The following PPP4R3A variants were observed in gnomAD, a reference collection of about 807,000 sequenced individuals.
The protein encoded by PPP4R3A is protein phosphatase 4 regulatory subunit 3A, also known as serine/threonine-protein phosphatase 4 regulatory subunit 3A.
Under a neutral mutation model 91.7 loss-of-function variants are expected in PPP4R3A, and 15 were observed. The ratio of observed to expected loss-of-function variants is 0.16; its 90% confidence interval spans 0.11 to 0.25. PPP4R3A has a LOEUF of 0.25. Ranked by LOEUF, PPP4R3A falls within the 10% of genes least tolerant of loss-of-function variation. PPP4R3A has a pLI of 1.00. For synonymous variants in PPP4R3A, 377 were observed against 348.7 expected (o/e 1.08, Z -0.91); for missense variants, 623 against 998.4 (o/e 0.62, Z 5.07).
At position 91,475,829 on chromosome 14, in the gene PPP4R3A, C is replaced by G; in HGVS notation, c.1248G>C (p.Glu416Asp). 6.2e-7 allele frequency: 1 copy of G among 1,613,124 alleles called. No individual in the cohort carries two copies. The highest frequency in any genetic ancestry group is 8.5e-7 in the Non-Finnish European group (1 of 1,179,648). ...TATTTACCTTGCTGGTTATTTTTTG[C>G]TCTGTTAACTTCTTACTTACATCAT... is the stretch of plus-strand genomic sequence containing the variant. Reference protein sequence around the residue: ...QNDDVSKKLTEQKITSKDILL... With the variant: ...QNDDVSKKLTDQKITSKDILL... Residue 416 changes from glutamate to aspartate, a missense_variant, in exon 7 of 15, where the codon GAG becomes GAC. Around this residue, in one of 5 missense-constraint regions of PPP4R3A, gnomAD observed 264 missense variants for 377.3 expected, o/e 0.70. Coordinates refer to ENST00000554943, the MANE Select transcript of PPP4R3A (RefSeq NM_001366432.2).
chr14:91,466,610 AT>A (rs1455356371), intron 10 of PPP4R3A, among the ~76,000 whole-genome samples: 3 of 152,310 alleles, frequency 2.0e-5, no homozygotes, highest in East Asian at 3.9e-4. Context: ...TAATAATTGC[AT>A]TTTATTTTTT....
chr14:91,507,577 A>T (rs1393147745), intron 1 of PPP4R3A, among the ~76,000 whole-genome samples: 1 of 133,560 alleles, frequency 7.5e-6, no homozygotes, highest in African/African-American at 2.7e-5. Context: ...TATTATACAT[A>T]CTATAGTTAT....
chr14:91,490,900 A>ATTT (rs36126220), intron 1 of PPP4R3A, 98 bp from the exon 2 acceptor site: 672 of 278,710 alleles, frequency 2.4e-3, no homozygotes, highest in Non-Finnish European at 3.5e-3. Context: ...AATAATAATA[A>ATTT]TTTTTTTTTT....
intron 11 of PPP4R3A, among the ~76,000 whole-genome samples, chr14:91,464,310 G>A (rs1318258836): frequency 6.6e-6 from 1 of 151,624 alleles, no homozygotes; most frequent in Non-Finnish European, 1.5e-5. Flanking sequence ...GACAGAGTGA[G>A]ACTCTGTCCC....
chr14:91,458,773 T>G lies in PPP4R3A; in HGVS notation c.2488A>C (p.Lys830Gln), dbSNP rs1887927825. The G allele has an allele frequency of 1.2e-6, 2 of 1,614,146 alleles. No homozygotes were observed. The highest frequency in any genetic ancestry group is 1.7e-6 in the Non-Finnish European group (2 of 1,180,010). ...EDTLPLSKKA[K>Q]FDS is the part of the protein sequence containing the mutation. Reference sequence around the variant, plus strand: ...CGTTGCCATTATTATGAATCAAATTTTGCTTTCTTTGACAATGGTAACGTA... The same window carrying G: ...CGTTGCCATTATTATGAATCAAATTGTGCTTTCTTTGACAATGGTAACGTA... The change falls in exon 15 of 15, where the codon AAA becomes CAA. Residue 830 changes from lysine to glutamine, a missense_variant. Physicochemically the swap from Lys to Gln is moderately conservative, Grantham distance 53. Coordinates refer to ENST00000554943, the MANE Select transcript of PPP4R3A (RefSeq NM_001366432.2).
rs17127371 is a variant in PPP4R3A at position 91,458,795 on chromosome 14, C to T, written c.2466G>A (p.Thr822=). 358 of 1,614,020 alleles carry T rather than the reference C, an allele frequency of 2.2e-4. No individual in the cohort carries two copies. In the African/African-American group the frequency reaches 3.8e-3, roughly 17 times the overall value. The part of the protein sequence containing the change: ...DDDEDEDKED[T]LPLSKKAKFD... The stretch of plus-strand genomic sequence containing the variant: ...ATTTTGCTTTCTTTGACAATGGTAA[C>T]GTATCTTCCTTATCTTCATCCTCAT... Residue 822 remains threonine, a synonymous_variant, in exon 15 of 15, where the codon ACG becomes ACA. Coordinates refer to ENST00000554943, the MANE Select transcript of PPP4R3A (RefSeq NM_001366432.2).
intron 1 of PPP4R3A, among the ~76,000 whole-genome samples, chr14:91,499,942 T>C (rs1029708170): frequency 5.3e-5 from 8 of 151,470 alleles, no homozygotes; most frequent in Admixed American, 4.0e-4. Flanking sequence ...AACACAACAC[T>C]ACACCTCTGG....
At chr14:91,507,362 ATATAC>A (rs75507512) in intron 1 of PPP4R3A, among the ~76,000 whole-genome samples, 15 of 65,850 alleles carry the variant, frequency 2.3e-4, no homozygotes, top group Middle Eastern at 0.014. Context: ...TATATAGTAT[ATATAC>A]TATAATTATA....
At chr14:91,478,197 T>C (rs1056444395) in intron 4 of PPP4R3A, among the ~76,000 whole-genome samples, 2 of 152,252 alleles carry the variant, frequency 1.3e-5, no homozygotes, top group Non-Finnish European at 2.9e-5. Flanking sequence ...ATCTTGACCA[T>C]GTTTGCTACC....
rs530164025 is a variant in PPP4R3A, at chr14:91,473,406, T to C, written c.1267-36A>G. ...AAATAGACATACTCAGGATCACTTATTATGAGAGAACGGAAAAAGCAAAAA... is the reference window on the plus strand; with the variant it reads ...AAATAGACATACTCAGGATCACTTACTATGAGAGAACGGAAAAAGCAAAAA... On this transcript the variant is annotated intron_variant, in intron 7 of 14. Transcript: ENST00000554943. 6.3e-6 allele frequency: 10 copies of C among 1,584,146 alleles called. No homozygotes were observed. The African/African-American group carries it at 8.1e-5, about 13-fold the overall frequency.
chr14:91,487,377 T>G (rs1373440144), intron 2 of PPP4R3A, among the ~76,000 whole-genome samples: 1 of 152,000 alleles, frequency 6.6e-6, no homozygotes, highest in Non-Finnish European at 1.5e-5. Context: ...ATAAATCATC[T>G]CATACAAGAA....
chr14:91,460,228 G>A (rs748314859), intron 14 of PPP4R3A, among the ~76,000 whole-genome samples: 1 of 152,042 alleles, frequency 6.6e-6, no homozygotes, highest in Non-Finnish European at 1.5e-5. Context: ...TAGCCAGGAT[G>A]GTCTCGGATC....
chr14:91,462,377 TTTAGA>T (rs762176724), intron 12 of PPP4R3A, 138 bp from the exon 13 acceptor site: 35 of 931,732 alleles, frequency 3.8e-5, no homozygotes, highest in South Asian at 1.1e-4. Flanking sequence ...AATCCAGGTA[TTTAGA>T]TTAATGTACA....
intron 4 of PPP4R3A, among the ~76,000 whole-genome samples, chr14:91,479,634 C>G (rs1191206188): frequency 6.6e-6 from 1 of 152,122 alleles, no homozygotes; most frequent in Non-Finnish European, 1.5e-5. Context: ...ACCTCCGCCT[C>G]CCAGATTCAA....
chr14:91,481,729 A>G lies in PPP4R3A; in HGVS notation c.762T>C (p.Asp254=), dbSNP rs1437752737. Residue 254 remains aspartate (D), a synonymous_variant, in exon 4 of 15, where the codon GAT becomes GAC. Coordinates refer to ENST00000554943, the MANE Select transcript of PPP4R3A (RefSeq NM_001366432.2). Reference sequence around the variant, plus strand: ...GATGAATTTTTTGTTTCAGCTCAGGATCTGATATGGGAATCACTTCTTTAA... The same window carrying G: ...GATGAATTTTTTGTTTCAGCTCAGGGTCTGATATGGGAATCACTTCTTTAA... ...AKFKEVIPIS[D]PELKQKIHQT... 1 of 1,614,014 alleles carries G rather than the reference A, an allele frequency of 6.2e-7. No homozygotes were observed. The highest frequency in any genetic ancestry group is 2.2e-5 in the East Asian group (1 of 44,880).
At chr14:91,486,920 A>AG (rs772968064) in intron 2 of PPP4R3A, among the ~76,000 whole-genome samples, 1 of 147,164 alleles carries the variant, frequency 6.8e-6, no homozygotes, top group East Asian at 2.0e-4. Flanking sequence ...AAAAAAAAAA[A>AG]AAAATAGAGA....
intron 2 of PPP4R3A, among the ~76,000 whole-genome samples, chr14:91,487,411 T>A (rs1188975866): frequency 3.9e-5 from 6 of 151,952 alleles, no homozygotes; most frequent in Admixed American, 3.3e-4. Flanking sequence ...CTAGGGAGAG[T>A]TACATTTAAT....
rs1567159319 is a variant in PPP4R3A at position 91,490,828 on chromosome 14, TTA to T, written c.143-28_143-27del. On this transcript the variant is annotated intron_variant, in intron 1 of 14. Transcript: ENST00000554943. ...CTAGGAAACAGAAAAAGACATTCCA[TTA>T]TGTTACTGTAAAACAGCAAAATTAT... The T allele has an allele frequency of 1.9e-6, 3 of 1,567,054 alleles. No homozygotes were observed. The Admixed American group carries it at 5.2e-5, about 27-fold the overall frequency.
At chr14:91,488,185 A>G (rs1017147464) in intron 2 of PPP4R3A, among the ~76,000 whole-genome samples, 2 of 148,868 alleles carry the variant, frequency 1.3e-5, no homozygotes, top group African/African-American at 2.5e-5. Context: ...CCTGAGCAAC[A>G]TATCAAGACC....
Sources: allele counts gnomAD v4.1 joint callset (sites outside exome capture counted in the v4.1 genomes callset), GRCh38; gene constraint gnomAD v4.1.1; regional missense constraint gnomAD v4.1.1; transcripts MANE v1.5; gene names NCBI Gene and HGNC (gene_info 2026-07-23, HGNC 2026-07-21).